Variants in ARHGAP22 observed in about 807,000 individuals in gnomAD.
ARHGAP22 encodes rho GTPase-activating protein 22.
A neutral mutation model predicts 59.1 loss-of-function variants in ARHGAP22; 48 were observed. That is an observed-to-expected ratio of 0.81 (90% confidence interval 0.64 to 1.03). ARHGAP22 has a LOEUF of 1.03. Ranked by LOEUF, ARHGAP22 falls within the 50% of genes least tolerant of loss-of-function variation. The pLI is 0.00. For missense variants in ARHGAP22, 1,015 were observed against 958.7 expected, an observed-to-expected ratio of 1.06 and a Z score of -0.78; for synonymous variants, 445 against 416.4, an observed-to-expected ratio of 1.07 and a Z score of -0.84.
intron 4 of ARHGAP22, among the ~76,000 whole-genome samples, chr10:48,467,382 CAG>C (rs1380969146): frequency 2.0e-5 from 3 of 151,818 alleles, no homozygotes; most frequent in Admixed American, 2.0e-4. Context: ...GGCAGGTGGA[CAG>C]AGAGGCACGG....
intron 4 of ARHGAP22, among the ~76,000 whole-genome samples, chr10:48,462,225 G>T (rs2047204851): frequency 1.5e-5 from 2 of 133,886 alleles, no homozygotes; most frequent in South Asian, 2.8e-4. Flanking sequence ...GCTTGTGTGT[G>T]CATGGGTATG....
chr10:48,545,801 G>T (rs776036316), intron 3 of ARHGAP22, among the ~76,000 whole-genome samples: 6 of 152,194 alleles, frequency 3.9e-5, no homozygotes, highest in African/African-American at 1.4e-4. Flanking sequence ...GCCTGAGGGC[G>T]ACTTCAATGA....
Position 48,579,620 on chromosome 10 carries a change from G to A in ARHGAP22, c.234+3333C>T, listed in dbSNP as rs1172400780. ...CCCTCCTGCCAGCAAGATGGGGAGA[G>A]GGGAAGAGATAGGGCTTTGGAGAGA... On this transcript the variant is annotated intron_variant, in intron 2 of 9. Coordinates refer to ENST00000249601, the MANE Select transcript of ARHGAP22 (RefSeq NM_021226.4). Among the ~76,000 whole-genome samples, 4 of 152,062 alleles carry A rather than the reference G, an allele frequency of 2.6e-5. No homozygotes were observed. In the East Asian group the frequency reaches 7.7e-4, roughly 29 times the overall value.
intron 3 of ARHGAP22, among the ~76,000 whole-genome samples, chr10:48,539,352 C>T (rs113623694): frequency 4.5e-5 from 6 of 133,568 alleles, no homozygotes; most frequent in Admixed American, 3.2e-4. Flanking sequence ...AGTGCAGTGG[C>T]GCGATCTCGG....
At chr10:48,551,192 C>A (rs1263514145) in intron 3 of ARHGAP22, among the ~76,000 whole-genome samples, 1 of 152,198 alleles carries the variant, frequency 6.6e-6, no homozygotes, top group Non-Finnish European at 1.5e-5. Context: ...ACCCTCCCAA[C>A]CAGCTCCTCT....
chr10:48,528,821 T>A (rs2054567710), intron 3 of ARHGAP22, among the ~76,000 whole-genome samples: 1 of 152,134 alleles, frequency 6.6e-6, no homozygotes, highest in South Asian at 2.1e-4. Flanking sequence ...TCTCTCTCTC[T>A]CTCTCTGTCT....
chr10:48,498,030 C>T (rs1306679698), intron 3 of ARHGAP22, among the ~76,000 whole-genome samples: 1 of 152,174 alleles, frequency 6.6e-6, no homozygotes, highest in East Asian at 1.9e-4. Flanking sequence ...CTTAGAGTTG[C>T]TGTGTGTGTA....
chr10:48,609,590 C>T (rs79991993), upstream of ARHGAP22, among the ~76,000 whole-genome samples: 102 of 152,260 alleles, frequency 6.7e-4, no homozygotes, highest in Middle Eastern at 3.4e-3. Flanking sequence ...ATAGTTGGTC[C>T]TCTTCATTAC....
At chr10:48,443,292 G>T (rs1038963848), downstream of ARHGAP22, among the ~76,000 whole-genome samples, 3 of 146,706 alleles carry the variant, frequency 2.0e-5, no homozygotes, top group Non-Finnish European at 4.7e-5. Flanking sequence ...GTGAGTTAAT[G>T]TAAAGCTCTC....
intron 1 of ARHGAP22, among the ~76,000 whole-genome samples, chr10:48,634,865 A>T (rs2061752885): frequency 6.6e-6 from 1 of 152,188 alleles, no homozygotes; most frequent in Non-Finnish European, 1.5e-5. Context: ...GTCCAATATG[A>T]CTAGAGTTCT....
chr10:48,474,080 G>A (rs1265212434), intron 4 of ARHGAP22, among the ~76,000 whole-genome samples: 2 of 152,156 alleles, frequency 1.3e-5, no homozygotes, highest in Non-Finnish European at 2.9e-5. Flanking sequence ...TCTCATTCCT[G>A]AACATGGGAT....
Position 48,637,222 on chromosome 10 carries a change from G to T in ARHGAP22, c.52+15012C>A, listed in dbSNP as rs1013779118. Among the ~76,000 whole-genome samples the T allele has an allele frequency of 3.3e-5, 5 of 152,322 alleles. No individual in the cohort carries two copies. The South Asian group carries it at 6.2e-4, about 19-fold the overall frequency. On this transcript the variant is annotated intron_variant, in intron 1 of 9. Coordinates refer to the ARHGAP22 transcript ENST00000435790. ...CAGGCTCCAACTATTGTGTCGAGGT[G>T]GGGGGCAAGGGGTAGAAAGGAGCCA...
downstream of ARHGAP22, among the ~76,000 whole-genome samples, chr10:48,441,469 T>TTTTTA (rs2045200687): frequency 6.7e-6 from 1 of 149,752 alleles, no homozygotes; most frequent in African/African-American, 2.5e-5. Context: ...TTTTTTTTTT[T>TTTTTA]GAGACAGAGT....
In ARHGAP22 at chr10:48,584,211, A is replaced by G. The variant is rs536005829; in HGVS notation, c.35-1059T>C. Among the ~76,000 whole-genome samples the G allele has an allele frequency of 4.6e-5, 7 of 152,328 alleles. No homozygotes were observed. The South Asian group carries it at 1.4e-3, about 32-fold the overall frequency. On this transcript the variant is annotated intron_variant, in intron 1 of 9. Coordinates refer to ENST00000249601, the MANE Select transcript of ARHGAP22 (RefSeq NM_021226.4). ...GAAAGCACAGTGCCTGTGACCTACA[A>G]TTCTTGCACTGTATCTGTGATTCTG...
In ARHGAP22 at chr10:48,450,453, T is replaced by A; in HGVS notation, c.1676A>T (p.Glu559Val). The A allele has an allele frequency of 6.4e-7, 1 of 1,551,134 alleles. No individual in the cohort carries two copies. Among genetic ancestry groups the A allele is most frequent in the Non-Finnish European group, 8.7e-7 (1 of 1,147,260 alleles). Residue 559 changes from glutamate (E) to valine (V), a missense_variant, in exon 9 of 10, where the codon GAG becomes GTG. Physicochemically the swap from Glu to Val is moderately radical, Grantham distance 121. Coordinates refer to ENST00000249601, the MANE Select transcript of ARHGAP22 (RefSeq NM_021226.4). Reference protein sequence around the residue: ...LEPSPLPSSSEDPKSLDLDHS... With the variant: ...LEPSPLPSSSVDPKSLDLDHS... Reference sequence around the variant, plus strand: ...GTCCAGGTCCAGGGACTTGGGGTCCTCGCTGCTGCTGGGGAGCGGGGAGGG... The same window carrying A: ...GTCCAGGTCCAGGGACTTGGGGTCCACGCTGCTGCTGGGGAGCGGGGAGGG...
intron 7 of ARHGAP22, 94 bp downstream of exon 7, chr10:48,453,994 C>T: frequency 7.4e-7 from 1 of 1,352,378 alleles, no homozygotes; most frequent in Non-Finnish European, 1.1e-6. Flanking sequence ...CCGGGCCCCC[C>T]TCTGACAAGG....
chr10:48,504,548 C>G (rs1188479308), intron 3 of ARHGAP22, among the ~76,000 whole-genome samples: 3 of 152,128 alleles, frequency 2.0e-5, no homozygotes, highest in Non-Finnish European at 4.4e-5. Context: ...GCTGAGAACT[C>G]AGGAACAGCA....
chr10:48,545,649 A>G (rs4838619), intron 3 of ARHGAP22, among the ~76,000 whole-genome samples: 91,280 of 152,036 alleles, frequency 0.6, 29,230 homozygotes, highest in East Asian at 0.99. Context: ...CATGTCAGAC[A>G]CACAGTATCT....
At chr10:48,572,531 A>G (rs56967427) in intron 2 of ARHGAP22, among the ~76,000 whole-genome samples, 3,294 of 152,338 alleles carry the variant, frequency 0.022, 126 homozygotes, top group African/African-American at 0.076. Context: ...CCTGCAATGC[A>G]TTTAAATGTT....
Sources: gnomAD v4.1 joint callset for allele counts (sites outside exome capture counted in the v4.1 genomes callset) on GRCh38, gnomAD v4.1.1 for gene constraint, MANE v1.5 for transcripts, NCBI Gene and HGNC (gene_info 2026-07-23, HGNC 2026-07-21) for gene names.